The following GAPT variants were observed in gnomAD, a reference collection of about 807,000 sequenced individuals.
The protein encoded by GAPT is GRB2 binding adaptor protein, transmembrane.
For missense variants in GAPT, 206 were observed against 189.2 expected (o/e 1.09, Z -0.52); for synonymous variants, 82 against 69.7 (o/e 1.18, Z -0.88).
Position 58,496,182 on chromosome 5 carries a change from C to T in GAPT, c.*1172C>T, listed in dbSNP as rs1744444503. On this transcript the variant is annotated 3_prime_UTR_variant, in exon 3 of 3. Transcript: ENST00000502276. ...GAATGTTGCCACAGCATTTTATTAC[C>T]TAGCTTCATATGAAAATGTCTTAAA... 1 of 165,448 alleles carries T rather than the reference C, an allele frequency of 6.0e-6. No individual in the cohort carries two copies. The highest frequency in any genetic ancestry group is 2.1e-4 in the South Asian group (1 of 4,832). 10.2% of individuals were successfully genotyped at this position (165,448 alleles called of 1,614,324 possible).
Position 58,494,991 on chromosome 5 carries a change from T to C in GAPT, c.455T>C (p.Ile152Thr), listed in dbSNP as rs966150130. 6.3e-7 allele frequency: 1 copy of C among 1,591,448 alleles called. No individual in the cohort carries two copies. The highest frequency in any genetic ancestry group is 1.7e-4 in the Middle Eastern group (1 of 5,984). Residue 152 changes from isoleucine to threonine, a missense_variant, in exon 3 of 3, where the codon ATT becomes ACT. Transcript: ENST00000502276. ...GTTCCTCAAGATGAAGATATATACATTCTTCCAGATTCATATTAGCTTTTC... is the reference window on the plus strand; with the variant it reads ...GTTCCTCAAGATGAAGATATATACACTCTTCCAGATTCATATTAGCTTTTC... ...SEVPQDEDIY[I>T]LPDSY is the part of the protein sequence containing the mutation.
intron 1 of GAPT, among the ~76,000 whole-genome samples, chr5:58,491,900 T>G (rs145530154): frequency 2.0e-5 from 3 of 152,232 alleles, no homozygotes; most frequent in Admixed American, 2.0e-4. Flanking sequence ...GTGAACATTA[T>G]TTAAGTGTTA....
At chr5:58,491,618 A>T (rs892086365) in intron 1 of GAPT, 77 bp downstream of exon 1, 2 of 152,172 alleles carry the variant, frequency 1.3e-5, no homozygotes, top group African/African-American at 4.8e-5. Flanking sequence ...TTAATCAATG[A>T]TTTTTATCTT....
Position 58,494,936 on chromosome 5 carries a change from T to C in GAPT, c.400T>C (p.Tyr134His), listed in dbSNP as rs1438546289. The C allele has an allele frequency of 1.9e-6, 3 of 1,613,874 alleles. No homozygotes were observed. In the Admixed American group the frequency reaches 5.0e-5, roughly 27 times the overall value. ...TGGAAATGAGACATCTTCTGACTAT[T>C]ATAACTTCCAGAAGCCTCGTCCTTC... ...IYGNETSSDY[Y>H]NFQKPRPSEV... is the part of the protein sequence containing the mutation. The change falls in exon 3 of 3, where the codon TAT becomes CAT. Residue 134 changes from tyrosine to histidine, a missense_variant. Coordinates refer to ENST00000502276, the MANE Select transcript of GAPT (RefSeq NM_001304431.2).
At position 58,491,517 on chromosome 5, in the gene GAPT, G is replaced by C. The variant is rs1385267685; in HGVS notation, c.-443G>C. ...AAAACATAACCAAAAGAACAAAAGAGAGAGCTTGACACACCAATCTTGAGG... is the reference window on the plus strand; with the variant it reads ...AAAACATAACCAAAAGAACAAAAGACAGAGCTTGACACACCAATCTTGAGG... On this transcript the variant is annotated 5_prime_UTR_variant, in exon 1 of 3. Transcript: ENST00000502276. The C allele has an allele frequency of 6.6e-6, 1 of 152,164 alleles. No individual in the cohort carries two copies. Among genetic ancestry groups the C allele is most frequent in the Non-Finnish European group, 1.5e-5 (1 of 68,022 alleles). The allele number at this position is 152,164 out of a possible 1,614,324, so 9.4% of individuals were successfully genotyped here.
rs1187808712 is a variant in GAPT, at chr5:58,493,722, A to G, written c.-407A>G. The G allele has an allele frequency of 1.3e-5, 2 of 152,196 alleles. No individual in the cohort carries two copies. The highest frequency in any genetic ancestry group is 1.5e-5 in the Non-Finnish European group (1 of 68,030). 9.4% of individuals were successfully genotyped at this position (152,196 alleles called of 1,614,324 possible). A position where few individuals can be genotyped will look rare whatever the true frequency, so the allele number is the denominator to read the frequency against. Reference sequence around the variant, plus strand: ...TCTCTCTCATTTAGGTTATCACGCTATAATAGAGAATGGACTCATTAATAT... The same window carrying G: ...TCTCTCTCATTTAGGTTATCACGCTGTAATAGAGAATGGACTCATTAATAT... On this transcript the variant is annotated 5_prime_UTR_variant, in exon 2 of 3. Transcript: ENST00000502276.
At position 58,496,719 on chromosome 5, in the gene GAPT, G is replaced by C. The variant is rs1403199009; in HGVS notation, c.*1709G>C. On this transcript the variant is annotated 3_prime_UTR_variant, in exon 3 of 3. Transcript: ENST00000502276. ...CCTGCCTATTCTTTCTGTTGCCCCCGCAGGAATTTATTGCCATGTGGTTTA... is the reference window on the plus strand; with the variant it reads ...CCTGCCTATTCTTTCTGTTGCCCCCCCAGGAATTTATTGCCATGTGGTTTA... 2 of 167,106 alleles carry C rather than the reference G, an allele frequency of 1.2e-5. No homozygotes were observed. Among genetic ancestry groups the C allele is most frequent in the East Asian group, 1.9e-4 (1 of 5,196 alleles). The allele number at this position is 167,106 out of a possible 1,614,324, so 10.4% of individuals were successfully genotyped here.
In GAPT at chr5:58,494,724, GC is replaced by G; in HGVS notation, c.193del (p.Arg65AlafsTer5). On this transcript the variant is annotated frameshift_variant, in exon 3 of 3. Coordinates refer to ENST00000502276, the MANE Select transcript of GAPT (RefSeq NM_001304431.2). LOFTEE classifies it low-confidence loss of function (END_TRUNC). ...AAAGTCTGTACTAAAACATTCTTGG[GC>G]CCCCGCATCATTGGCTTAAGGCATG... Reference protein sequence around the residue: ...RRKVCTKTFLGPRIIGLRHEI... With the variant: ...RRKVCTKTFLXPRIIGLRHEI... The G allele has an allele frequency of 6.2e-7, 1 of 1,613,922 alleles. No individual in the cohort carries two copies. Among genetic ancestry groups the G allele is most frequent in the Non-Finnish European group, 8.5e-7 (1 of 1,179,954 alleles).
In GAPT at chr5:58,494,444, A is replaced by T. The variant is rs944360249; in HGVS notation, c.-93A>T. On this transcript the variant is annotated 5_prime_UTR_variant, in exon 3 of 3. Transcript: ENST00000502276. Reference sequence around the variant, plus strand: ...GGAAAATGCCTAAAAGAGCTTCCAAACTCATTTTTGAATAATACTAGGCTA... The same window carrying T: ...GGAAAATGCCTAAAAGAGCTTCCAATCTCATTTTTGAATAATACTAGGCTA... 4.6e-6 allele frequency: 5 copies of T among 1,090,774 alleles called. No individual in the cohort carries two copies. The Admixed American group carries it at 8.4e-5, about 18-fold the overall frequency. 67.6% of individuals were successfully genotyped at this position (1,090,774 alleles called of 1,614,324 possible).
Position 58,495,334 on chromosome 5 carries a change from A to G in GAPT, c.*324A>G, listed in dbSNP as rs1371445353. Reference sequence around the variant, plus strand: ...GGAGAGGTTCAGGGAAAAAAAAAATATCAGGTACTATGCTTAGTACACACA... The same window carrying G: ...GGAGAGGTTCAGGGAAAAAAAAAATGTCAGGTACTATGCTTAGTACACACA... On this transcript the variant is annotated 3_prime_UTR_variant, in exon 3 of 3. Coordinates refer to ENST00000502276, the MANE Select transcript of GAPT (RefSeq NM_001304431.2). 1 of 266,166 alleles carries G rather than the reference A, an allele frequency of 3.8e-6. No individual in the cohort carries two copies. Among genetic ancestry groups the G allele is most frequent in the African/African-American group, 2.2e-5 (1 of 44,702 alleles). 16.5% of individuals were successfully genotyped at this position (266,166 alleles called of 1,614,324 possible). A position where few individuals can be genotyped will look rare whatever the true frequency, so the allele number is the denominator to read the frequency against.
intron 1 of GAPT, among the ~76,000 whole-genome samples, chr5:58,492,835 A>T (rs1277310444): frequency 6.6e-6 from 1 of 152,150 alleles, no homozygotes; most frequent in African/African-American, 2.4e-5. Flanking sequence ...TCATTCATTA[A>T]CAAATGTCTA....
chr5:58,496,531 C>G lies in GAPT; in HGVS notation c.*1521C>G, dbSNP rs756007379. 7 of 167,048 alleles carry G rather than the reference C, an allele frequency of 4.2e-5. No homozygotes were observed. Among genetic ancestry groups the G allele is most frequent in the Non-Finnish European group, 8.8e-5 (6 of 68,132 alleles). The allele number at this position is 167,048 out of a possible 1,614,324, so 10.3% of individuals were successfully genotyped here. The stretch of plus-strand genomic sequence containing the variant: ...AATGAATACGATGCTGCTCATGAAG[C>G]TATGATAGCTCATCTCTAAATCCAC... On this transcript the variant is annotated 3_prime_UTR_variant, in exon 3 of 3. Transcript: ENST00000502276.
Position 58,494,811 on chromosome 5 carries a change from A to G in GAPT, c.275A>G (p.Asn92Ser). Residue 92 changes from asparagine (N) to serine (S), a missense_variant, in exon 3 of 3, where the codon AAC (asparagine) becomes AGC (serine). Transcript: ENST00000502276. ...GTCAGGGGAAATAACACACACGACA[A>G]CTATGAAAATGTGGAAGCAGGTCCT... ...SAVRGNNTHD[N>S]YENVEAGPPK... is the part of the protein sequence containing the mutation. 6 of 1,614,062 alleles carry G rather than the reference A, an allele frequency of 3.7e-6. No individual in the cohort carries two copies. Among genetic ancestry groups the G allele is most frequent in the South Asian group, 1.1e-5 (1 of 91,084 alleles).
chr5:58,493,382 A>G (rs925907427), intron 1 of GAPT, among the ~76,000 whole-genome samples: 18 of 152,176 alleles, frequency 1.2e-4, no homozygotes, highest in African/African-American at 3.6e-4. Context: ...AACAGAAAAC[A>G]ATGTAAAATC....
In GAPT at chr5:58,496,134, A is replaced by C. The variant is rs1485477564; in HGVS notation, c.*1124A>C. On this transcript the variant is annotated 3_prime_UTR_variant, in exon 3 of 3. Coordinates refer to ENST00000502276, the MANE Select transcript of GAPT (RefSeq NM_001304431.2). Reference sequence around the variant, plus strand: ...TGATATAAGCTTTGATGCCTCTTCAATTCTTAGGACATTTAAACATATGAA... The same window carrying C: ...TGATATAAGCTTTGATGCCTCTTCACTTCTTAGGACATTTAAACATATGAA... 2 of 166,796 alleles carry C rather than the reference A, an allele frequency of 1.2e-5. No individual in the cohort carries two copies. The highest frequency in any genetic ancestry group is 4.8e-5 in the African/African-American group (2 of 41,454). The allele number at this position is 166,796 out of a possible 1,614,324, so 10.3% of individuals were successfully genotyped here.
At chr5:58,493,216 A>T (rs1046896825) in intron 1 of GAPT, among the ~76,000 whole-genome samples, 2 of 152,184 alleles carry the variant, frequency 1.3e-5, no homozygotes, top group Non-Finnish European at 2.9e-5. Context: ...ATAACATTCC[A>T]TAGATGATAA....
Position 58,494,602 on chromosome 5 carries a change from A to G in GAPT, c.66A>G (p.Leu22=), listed in dbSNP as rs1375733751. The G allele has an allele frequency of 1.2e-6, 2 of 1,613,960 alleles. No homozygotes were observed. The highest frequency in any genetic ancestry group is 1.7e-6 in the Non-Finnish European group (2 of 1,179,936). ...ISVGISLLLL[L]VVCGIGCVWH... is the part of the protein sequence containing the mutation. ...TAGGAATTTCGCTTCTTTTACTCTT[A>G]GTGGTTTGTGGAATTGGGTGTGTTT... Residue 22 remains leucine (L), a synonymous_variant, in exon 3 of 3, where the codon TTA becomes TTG. Coordinates refer to ENST00000502276, the MANE Select transcript of GAPT (RefSeq NM_001304431.2).
In GAPT at chr5:58,494,759, G is replaced by T. The variant is rs781237872; in HGVS notation, c.223G>T (p.Val75Phe). The T allele has an allele frequency of 1.2e-6, 2 of 1,613,960 alleles. No individual in the cohort carries two copies. The highest frequency in any genetic ancestry group is 2.2e-5 in the South Asian group (2 of 91,088). ...RIIGLRHEIS[V>F]ETQDHKSAVR... ...CATTGGCTTAAGGCATGAAATCTCA[G>T]TTGAAACCCAAGACCACAAATCTGC... The change falls in exon 3 of 3, where the codon GTT (valine) becomes TTT (phenylalanine). Residue 75 changes from valine to phenylalanine, a missense_variant. Transcript: ENST00000502276.
Position 58,494,575 on chromosome 5 carries a change from T to C in GAPT, c.39T>C (p.Ser13=), listed in dbSNP as rs1744376975. 2 of 1,612,952 alleles carry C rather than the reference T, an allele frequency of 1.2e-6. No homozygotes were observed. Among genetic ancestry groups the C allele is most frequent in the Non-Finnish European group, 1.7e-6 (2 of 1,179,412 alleles). The stretch of plus-strand genomic sequence containing the variant: ...GTGGAAATAATTTAGCGGCCATTTC[T>C]GTAGGAATTTCGCTTCTTTTACTCT... ...KSCGNNLAAI[S]VGISLLLLLV... Residue 13 remains serine, a synonymous_variant, in exon 3 of 3, where the codon TCT becomes TCC. Transcript: ENST00000502276.
Sources: gnomAD v4.1 joint callset for allele counts (sites outside exome capture counted in the v4.1 genomes callset) on GRCh38, gnomAD v4.1.1 for gene constraint, MANE v1.5 for transcripts, NCBI Gene and HGNC (gene_info 2026-07-23, HGNC 2026-07-21) for gene names.